Variants in ATP10B observed in about 807,000 individuals in gnomAD.
ATP10B encodes the protein phospholipid-transporting ATPase VB.
A neutral mutation model predicts 141.2 loss-of-function variants in ATP10B; 122 were observed. The observed-to-expected ratio is 0.86, with a 90% CI of 0.75 to 1.00. The LOEUF is 1.00. Among genes scored for constraint, ATP10B ranks in the 50% least tolerant of loss-of-function variants. The pLI is 0.00. For missense variants in ATP10B, 1,876 were observed against 1,825.3 expected, an observed-to-expected ratio of 1.03 and a Z score of -0.51; for synonymous variants, 685 against 692.0, an observed-to-expected ratio of 0.99 and a Z score of 0.16.
chr5:160,573,213 T>C (rs936073144), intron 24 of ATP10B, among the ~76,000 whole-genome samples: 3 of 152,174 alleles, frequency 2.0e-5, no homozygotes, highest in Admixed American at 2.0e-4. Flanking sequence ...TTGATCCTTC[T>C]CTCTTTCATT....
chr5:160,657,197 T>C (rs1761574971), intron 7 of ATP10B, among the ~76,000 whole-genome samples: 2 of 152,108 alleles, frequency 1.3e-5, no homozygotes, highest in Admixed American at 1.3e-4. Context: ...AGTTATCAGT[T>C]GTCTAAATGG....
rs115799918 is a variant in ATP10B at position 160,741,276 on chromosome 5, T to C, written c.-330-24242A>G. The stretch of plus-strand genomic sequence containing the variant: ...GCTTCAGTAAAGTTAGCAAACAGAA[T>C]GGCTACACAGAATCCTCTGATGCCT... On this transcript the variant is annotated intron_variant, in intron 2 of 25. Transcript: ENST00000327245. Among the ~76,000 whole-genome samples the C allele has an allele frequency of 3.3e-3, 507 of 152,328 alleles. 2 individuals carry two copies. Among genetic ancestry groups the C allele is most frequent in the African/African-American group, 0.012 (480 of 41,576 alleles).
At chr5:160,729,305 A>G (rs1581426759) in intron 2 of ATP10B, among the ~76,000 whole-genome samples, 1 of 152,280 alleles carries the variant, frequency 6.6e-6, no homozygotes, top group East Asian at 1.9e-4. Context: ...TTGCTAGCAC[A>G]TATCTGAGCT....
the ATP10B span, among the ~76,000 whole-genome samples, chr5:160,900,427 C>A: frequency 6.6e-6 from 1 of 152,202 alleles, no homozygotes; most frequent in Non-Finnish European, 1.5e-5. Flanking sequence ...GTGACAAGTT[C>A]ATGGCTTGCT....
intron 25 of ATP10B, among the ~76,000 whole-genome samples, chr5:160,566,788 T>C (rs985992372): frequency 2.0e-5 from 3 of 152,224 alleles, no homozygotes; most frequent in African/African-American, 4.8e-5. Context: ...TGTTGCCTTA[T>C]CTGAAAAGTA....
intron 24 of ATP10B, among the ~76,000 whole-genome samples, chr5:160,575,631 A>G (rs940033602): frequency 6.6e-6 from 1 of 152,122 alleles, no homozygotes; most frequent in African/African-American, 2.4e-5. Flanking sequence ...TCTATCTAGG[A>G]TTCATTTTTC....
chr5:160,663,696 G>C (rs539113978), intron 7 of ATP10B, among the ~76,000 whole-genome samples: 1 of 151,534 alleles, frequency 6.6e-6, no homozygotes, highest in Non-Finnish European at 1.5e-5. Context: ...GCTAAATGAC[G>C]AGTTAATGGG....
At chr5:160,839,355 A>T (rs886431543) in intron 1 of ATP10B, among the ~76,000 whole-genome samples, 4 of 152,144 alleles carry the variant, frequency 2.6e-5, no homozygotes, top group Non-Finnish European at 2.9e-5. Context: ...AACCCTTCAG[A>T]TATGTAGTCA....
At chr5:160,607,777 T>A (rs1757478307) in intron 18 of ATP10B, among the ~76,000 whole-genome samples, 1 of 152,214 alleles carries the variant, frequency 6.6e-6, no homozygotes, top group Non-Finnish European at 1.5e-5. Flanking sequence ...TGCCTTGAAA[T>A]ATAGTGAGAA....
intron 1 of ATP10B, among the ~76,000 whole-genome samples, chr5:160,845,612 C>A (rs921948542): frequency 6.6e-6 from 1 of 152,142 alleles, no homozygotes; most frequent in South Asian, 2.1e-4. Context: ...AAAGTAAAAC[C>A]ATTCTAAACA....
intron 1 of ATP10B, among the ~76,000 whole-genome samples, chr5:160,806,125 T>G (rs922977348): frequency 1.3e-5 from 2 of 152,258 alleles, no homozygotes; most frequent in Non-Finnish European, 2.9e-5. Flanking sequence ...GACAGCCATC[T>G]GCTTTACTCT....
intron 9 of ATP10B, 49 bp downstream of exon 9, chr5:160,644,089 G>C: frequency 6.8e-7 from 1 of 1,477,072 alleles, no homozygotes; most frequent in East Asian, 2.3e-5. Flanking sequence ...GATTTGGAGG[G>C]GGAAGGATAA....
intron 8 of ATP10B, among the ~76,000 whole-genome samples, chr5:160,647,871 T>C (rs1205584051): frequency 6.6e-6 from 1 of 152,172 alleles, no homozygotes; most frequent in African/African-American, 2.4e-5. Flanking sequence ...GGTATTCTTC[T>C]TATTGTTTCT....
In ATP10B at chr5:160,666,736, C is replaced by T. The variant is rs944114356; in HGVS notation, c.675+3727G>A. Among the ~76,000 whole-genome samples, 25 of 152,298 alleles carry T rather than the reference C, an allele frequency of 1.6e-4. No individual in the cohort carries two copies. The South Asian group carries it at 5.2e-3, about 32-fold the overall frequency. Reference sequence around the variant, plus strand: ...TAAAAGTATAAGGGAGAAGCAAGGTCGCAAAGAGCAGCCAAGATGTCTCCC... The same window carrying T: ...TAAAAGTATAAGGGAGAAGCAAGGTTGCAAAGAGCAGCCAAGATGTCTCCC... On this transcript the variant is annotated intron_variant, in intron 7 of 25. Coordinates refer to ENST00000327245, the MANE Select transcript of ATP10B (RefSeq NM_025153.3).
chr5:160,686,280 G>C lies in ATP10B; in HGVS notation c.276-7C>G. Reference sequence around the variant, plus strand: ...GAAATAGAGGTTAGCCCATCTGGAGGGGCAAGCGAAGTGTGAATAAACACT... The same window carrying C: ...GAAATAGAGGTTAGCCCATCTGGAGCGGCAAGCGAAGTGTGAATAAACACT... On this transcript the variant is annotated splice_polypyrimidine_tract_variant and splice_region_variant and intron_variant, in intron 5 of 25. Coordinates refer to ENST00000327245, the MANE Select transcript of ATP10B (RefSeq NM_025153.3). 1 of 1,564,638 alleles carries C rather than the reference G, an allele frequency of 6.4e-7. No homozygotes were observed. Among genetic ancestry groups the C allele is most frequent in the Non-Finnish European group, 8.7e-7 (1 of 1,150,410 alleles).
chr5:160,622,795 C>A (rs1410404363), intron 13 of ATP10B, among the ~76,000 whole-genome samples: 1 of 152,200 alleles, frequency 6.6e-6, no homozygotes, highest in Non-Finnish European at 1.5e-5. Flanking sequence ...CAGATGCTGA[C>A]AGTTCTTCAC....
chr5:160,565,402 G>A lies in ATP10B; in HGVS notation c.*51C>T. On this transcript the variant is annotated 3_prime_UTR_variant, in exon 26 of 26. Transcript: ENST00000327245. ...AGAAGAAGGGGTCAAGGGTTATGTGGACCAGTGACTAGGTGGCCTCTGTTG... is the reference window on the plus strand; with the variant it reads ...AGAAGAAGGGGTCAAGGGTTATGTGAACCAGTGACTAGGTGGCCTCTGTTG... 2 of 1,557,176 alleles carry A rather than the reference G, an allele frequency of 1.3e-6. No individual in the cohort carries two copies. Among genetic ancestry groups the A allele is most frequent in the Non-Finnish European group, 1.8e-6 (2 of 1,134,478 alleles).
chr5:160,795,943 G>T (rs1771921673), intron 1 of ATP10B, among the ~76,000 whole-genome samples: 1 of 152,140 alleles, frequency 6.6e-6, no homozygotes, highest in African/African-American at 2.4e-5. Context: ...TAATTTATAT[G>T]GCAGCCCTAG....
chr5:160,910,933 C>T, the ATP10B span, among the ~76,000 whole-genome samples: 7 of 152,100 alleles, frequency 4.6e-5, no homozygotes, highest in Admixed American at 6.5e-5. Context: ...TTTTCCTGGG[C>T]GTAAGTTCTT....
Sources: gnomAD v4.1 joint callset for allele counts (sites outside exome capture counted in the v4.1 genomes callset) on GRCh38, gnomAD v4.1.1 for gene constraint, MANE v1.5 for transcripts, NCBI Gene and HGNC (gene_info 2026-07-23, HGNC 2026-07-21) for gene names.